The following CNTNAP5 variants were observed in gnomAD, a reference collection of about 807,000 sequenced individuals.
CNTNAP5 encodes the protein contactin associated protein family member 5, also known as contactin-associated protein-like 5.
A neutral mutation model predicts 150.2 loss-of-function variants in CNTNAP5; 72 were observed. The ratio of observed to expected loss-of-function variants is 0.48; its 90% CI spans 0.40 to 0.58. The LOEUF (loss-of-function observed/expected upper bound fraction) is 0.58. CNTNAP5 is among the 20% of genes least tolerant of loss of function. CNTNAP5 has a pLI of 0.00. For missense variants in CNTNAP5, 1,636 were observed against 1,626.2 expected (o/e 1.01, Z -0.10); for synonymous variants, 672 against 619.8 (o/e 1.08, Z -1.25).
rs557759579 is a variant in CNTNAP5 at position 124,521,515 on chromosome 2, T to C, written c.1328-2788T>C. ...CAACAGATGATCCTACAGACTCCCA[T>C]TGAGCAGACCTCTCCCCTCAGGCCA... On this transcript the variant is annotated intron_variant, in intron 8 of 23. Coordinates refer to ENST00000682447, the MANE Select transcript of CNTNAP5 (RefSeq NM_001367498.1). 9.4e-4 allele frequency among the ~76,000 whole-genome samples: 143 copies of C among 152,238 alleles called. 1 individual carries two copies. In the South Asian group the frequency reaches 0.013, roughly 14 times the overall value.
At chr2:124,057,935 T>G (rs1356670157) in intron 1 of CNTNAP5, among the ~76,000 whole-genome samples, 1 of 152,160 alleles carries the variant, frequency 6.6e-6, no homozygotes, top group Non-Finnish European at 1.5e-5. Flanking sequence ...AAGTATCTCA[T>G]ATAACCCGTA....
At chr2:124,114,624 T>G (rs1683381326) in intron 1 of CNTNAP5, among the ~76,000 whole-genome samples, 1 of 151,740 alleles carries the variant, frequency 6.6e-6, no homozygotes, top group Non-Finnish European at 1.5e-5. Context: ...CTTGCCTTAT[T>G]ACATTGAAAA....
intron 11 of CNTNAP5, among the ~76,000 whole-genome samples, chr2:124,578,310 A>G (rs1696339285): frequency 6.7e-6 from 1 of 150,246 alleles, no homozygotes; most frequent in Admixed American, 6.6e-5. Flanking sequence ...AGTCTGGGGG[A>G]CAAGAGCGAG....
At position 124,443,360 on chromosome 2, in the gene CNTNAP5, A is replaced by G. The variant is rs545588438; in HGVS notation, c.734-3393A>G. Among the ~76,000 whole-genome samples, 52 of 151,620 alleles carry G rather than the reference A, an allele frequency of 3.4e-4. 1 individual carries two copies. Among genetic ancestry groups the G allele is most frequent in the Admixed American group, 1.4e-3 (22 of 15,206 alleles). ...TAAAAAGGATGGGAAAGCTCTTTGT[A>G]TTCTGATAAAGATTTTCAGGATAGA... On this transcript the variant is annotated intron_variant, in intron 5 of 23. Transcript: ENST00000682447.
intron 2 of CNTNAP5, among the ~76,000 whole-genome samples, chr2:124,234,534 A>C (rs1686700440): frequency 6.6e-6 from 1 of 152,214 alleles, no homozygotes; most frequent in Admixed American, 6.6e-5. Context: ...TTTTATATAC[A>C]TGACACTCCC....
At chr2:124,620,974 C>A (rs937411133) in intron 12 of CNTNAP5, among the ~76,000 whole-genome samples, 3 of 152,080 alleles carry the variant, frequency 2.0e-5, no homozygotes, top group African/African-American at 7.2e-5. Flanking sequence ...CTTGTATAGG[C>A]ACCATGAGAT....
chr2:124,449,117 T>G (rs2104808732), intron 6 of CNTNAP5, among the ~76,000 whole-genome samples: 1 of 152,316 alleles, frequency 6.6e-6, no homozygotes. Flanking sequence ...GATCTTAACC[T>G]TAGTTTAGTA....
Position 124,328,751 on chromosome 2 carries a change from G to A in CNTNAP5, c.381+86358G>A, listed in dbSNP as rs146567109. On this transcript the variant is annotated intron_variant, in intron 3 of 23. Coordinates refer to ENST00000682447, the MANE Select transcript of CNTNAP5 (RefSeq NM_001367498.1). ...ACAGATATACAAAAGAAAGGCTTGG[G>A]AGGTCTAAAGGGGGTAGTTTTTTAT... Among the ~76,000 whole-genome samples the A allele has an allele frequency of 4.8e-3, 737 of 152,248 alleles. 5 individuals are homozygous for A. The highest frequency in any genetic ancestry group is 0.016 in the African/African-American group (674 of 41,544).
intron 4 of CNTNAP5, among the ~76,000 whole-genome samples, chr2:124,419,988 CTTTTT>C (rs772589224): frequency 1.3e-5 from 1 of 78,880 alleles, no homozygotes; most frequent in Non-Finnish European, 2.5e-5. Flanking sequence ...TTCTTTCTTT[CTTTTT>C]TTTTTTTTTT....
At chr2:124,777,454 C>G (rs1194462930) in intron 17 of CNTNAP5, among the ~76,000 whole-genome samples, 1 of 152,098 alleles carries the variant, frequency 6.6e-6, no homozygotes, top group Non-Finnish European at 1.5e-5. Flanking sequence ...AGGATCTCAG[C>G]TCACTGAAAC....
rs374957799 is a variant in CNTNAP5, at chr2:124,361,264, A to G, written c.382-56179A>G. ...TTGCCTTTGGTTTGAATGTCCTCCCATAGCTCAGAGTAATTTGATCATCTG... is the reference window on the plus strand; with the variant it reads ...TTGCCTTTGGTTTGAATGTCCTCCCGTAGCTCAGAGTAATTTGATCATCTG... On this transcript the variant is annotated intron_variant, in intron 3 of 23. Transcript: ENST00000682447. Among the ~76,000 whole-genome samples the G allele has an allele frequency of 4.3e-4, 60 of 138,340 alleles. 3 individuals are homozygous for G. Among genetic ancestry groups the G allele is most frequent in the East Asian group, 8.9e-4 (4 of 4,508 alleles). The allele number at this position is 138,340 out of a possible 152,430, so 90.8% of individuals were successfully genotyped here. A position where few individuals can be genotyped will look rare whatever the true frequency, so the allele number is the denominator to read the frequency against.
At chr2:124,480,295 G>T (rs1693734687) in intron 7 of CNTNAP5, among the ~76,000 whole-genome samples, 1 of 152,212 alleles carries the variant, frequency 6.6e-6, no homozygotes, top group South Asian at 2.1e-4. Context: ...TTAAAAAAGT[G>T]TTGCCTGATA....
intron 10 of CNTNAP5, among the ~76,000 whole-genome samples, chr2:124,542,486 G>A (rs1469680248): frequency 2.6e-5 from 4 of 151,786 alleles, no homozygotes; most frequent in Non-Finnish European, 5.9e-5. Context: ...TTCCAGAAGT[G>A]CACCACTGCC....
intron 1 of CNTNAP5, among the ~76,000 whole-genome samples, chr2:124,084,963 C>T (rs747995383): frequency 2.7e-4 from 29 of 108,938 alleles, no homozygotes; most frequent in Non-Finnish European, 4.2e-4. Context: ...GCTTTGTTGC[C>T]CAGGCTGGAG....
In CNTNAP5 at chr2:124,204,461, T is replaced by TACCCAGAAAGA. The variant is rs1461194874; in HGVS notation, c.83-17244_83-17243insACCCAGAAAGA. Among the ~76,000 whole-genome samples the TACCCAGAAAGA allele has an allele frequency of 2.0e-5, 3 of 152,340 alleles. No individual in the cohort carries two copies. In the East Asian group the frequency reaches 5.8e-4, roughly 29 times the overall value. On this transcript the variant is annotated intron_variant, in intron 1 of 23. Coordinates refer to ENST00000682447, the MANE Select transcript of CNTNAP5 (RefSeq NM_001367498.1). ...CCAGTTACCCAGTTCCACAGTTGCT[T>TACCCAGAAAGA]TCACATCATTCTGGGGTATCTTTAT...
intron 1 of CNTNAP5, among the ~76,000 whole-genome samples, chr2:124,061,097 C>G (rs1039176147): frequency 6.6e-6 from 1 of 152,004 alleles, no homozygotes; most frequent in Non-Finnish European, 1.5e-5. Flanking sequence ...AATGCATGTT[C>G]CTGAAGGCCA....
intron 12 of CNTNAP5, among the ~76,000 whole-genome samples, chr2:124,638,168 CTA>C (rs903757184): frequency 1.4e-5 from 2 of 139,960 alleles, no homozygotes; most frequent in Non-Finnish European, 1.6e-5. Flanking sequence ...ATTCTGTCTT[CTA>C]TATATATATG....
At chr2:124,720,371 T>C (rs1312454885) in intron 13 of CNTNAP5, among the ~76,000 whole-genome samples, 1 of 152,214 alleles carries the variant, frequency 6.6e-6, no homozygotes, top group Admixed American at 6.5e-5. Context: ...TCTGAAAACA[T>C]GTGTTCCCTT....
intron 3 of CNTNAP5, among the ~76,000 whole-genome samples, chr2:124,265,463 C>G (rs1487688533): frequency 6.6e-6 from 1 of 152,068 alleles, no homozygotes; most frequent in Non-Finnish European, 1.5e-5. Flanking sequence ...TCATTCCTGT[C>G]CTAATCCATC....
Sources: allele counts gnomAD v4.1 joint callset (sites outside exome capture counted in the v4.1 genomes callset), GRCh38; gene constraint gnomAD v4.1.1; transcripts MANE v1.5; gene names NCBI Gene and HGNC (gene_info 2026-07-23, HGNC 2026-07-21).